PARN: variants seen among roughly 807,000 people sequenced by gnomAD.
The protein encoded by PARN is poly(A)-specific ribonuclease PARN.
A neutral mutation model predicts 102.8 loss-of-function variants in PARN; 71 were observed. The ratio of observed to expected loss-of-function variants is 0.69; its 90% confidence interval spans 0.57 to 0.84. PARN has a LOEUF of 0.84. Among genes scored for constraint, PARN ranks in the 40% least tolerant of loss-of-function variants. PARN has a pLI of 0.00. For synonymous variants in PARN, 261 were observed against 252.9 expected (o/e 1.03, Z -0.30); for missense variants, 782 against 760.9 (o/e 1.03, Z -0.33).
chr16:14,607,483 C>A (rs114303602), intron 9 of PARN, among the ~76,000 whole-genome samples: 6,187 of 152,260 alleles, frequency 0.041, 140 homozygotes, highest in African/African-American at 0.05. Context: ...ACCAGGATTA[C>A]AGGAGTGAGC....
intron 18 of PARN, among the ~76,000 whole-genome samples, chr16:14,568,686 G>A (rs1197597510): frequency 1.3e-5 from 2 of 151,734 alleles, no homozygotes; most frequent in African/African-American, 2.4e-5. Context: ...GAGGCGGGCG[G>A]AGATCAAGAC....
chr16:14,516,558 A>C (rs1270337147), intron 21 of PARN, among the ~76,000 whole-genome samples: 2 of 152,236 alleles, frequency 1.3e-5, no homozygotes, highest in Non-Finnish European at 2.9e-5. Context: ...AGCCAAAATA[A>C]AATGGAACAT....
intron 11 of PARN, among the ~76,000 whole-genome samples, chr16:14,600,575 C>T (rs151126344): frequency 1.2e-3 from 182 of 152,196 alleles, no homozygotes; most frequent in African/African-American, 4.2e-3. Flanking sequence ...TCCAGTTTAA[C>T]TCCCAGGTGT....
intron 20 of PARN, among the ~76,000 whole-genome samples, chr16:14,552,867 G>C (rs1967404421): frequency 6.6e-6 from 1 of 152,040 alleles, no homozygotes; most frequent in South Asian, 2.1e-4. Context: ...AGAATGGCTT[G>C]AACCTGGGAG....
chr16:14,487,418 T>G (rs1963773961), intron 21 of PARN, among the ~76,000 whole-genome samples: 1 of 152,236 alleles, frequency 6.6e-6, no homozygotes, highest in Non-Finnish European at 1.5e-5. Flanking sequence ...CTTTATTGTT[T>G]TTTAAAGAAC....
At position 14,610,878 on chromosome 16, in the gene PARN, CAA is replaced by C. The variant is rs772943751; in HGVS notation, c.389-71_389-70del. 123 of 1,034,924 alleles carry C rather than the reference CAA, an allele frequency of 1.2e-4. 1 individual carries two copies. Among genetic ancestry groups the C allele is most frequent in the Non-Finnish European group, 1.7e-4 (114 of 676,696 alleles). The allele number at this position is 1,034,924 out of a possible 1,614,324, so 64.1% of individuals were successfully genotyped here. A position where few individuals can be genotyped will look rare whatever the true frequency, so the allele number is the denominator to read the frequency against. On this transcript the variant is annotated intron_variant, in intron 6 of 23. Coordinates refer to ENST00000437198, the MANE Select transcript of PARN (RefSeq NM_002582.4). ...CTAACATAAAATTTGTTTAACAAAC[CAA>C]AGAGTCTAAATTACTCAGGAAAGAT... is the stretch of plus-strand genomic sequence containing the variant.
At chr16:14,525,165 GTTC>G (rs960901355) in intron 21 of PARN, among the ~76,000 whole-genome samples, 1 of 152,188 alleles carries the variant, frequency 6.6e-6, no homozygotes, top group Admixed American at 6.5e-5. Context: ...TCCGGATTAA[GTTC>G]TTAAGCTAGT....
intron 21 of PARN, among the ~76,000 whole-genome samples, chr16:14,543,406 T>G (rs1483854100): frequency 6.6e-6 from 1 of 152,098 alleles, no homozygotes; most frequent in Admixed American, 6.6e-5. Context: ...ATGGTAAATA[T>G]CTGACTAAAT....
At chr16:14,584,277 C>T (rs1344788958) in intron 16 of PARN, 70 bp downstream of exon 16, 3 of 1,151,132 alleles carry the variant, frequency 2.6e-6, no homozygotes, top group Non-Finnish European at 3.9e-6. Context: ...AGCCATTCTG[C>T]TTTTCTTCTA....
intron 14 of PARN, among the ~76,000 whole-genome samples, chr16:14,585,362 C>CTGTTTT: frequency 7.9e-6 from 1 of 126,760 alleles, no homozygotes; most frequent in East Asian, 2.3e-4. Context: ...CTCTATTTCT[C>CTGTTTT]TGTTTTTTTT....
intron 21 of PARN, among the ~76,000 whole-genome samples, chr16:14,495,309 C>T (rs866409058): frequency 6.6e-6 from 1 of 151,916 alleles, no homozygotes; most frequent in Non-Finnish European, 1.5e-5. Context: ...CAACACATAC[C>T]CCTCAATGTC....
chr16:14,543,686 TAAAAC>T lies in PARN; in HGVS notation c.1480+8330_1480+8334del, dbSNP rs533018564. Among the ~76,000 whole-genome samples the T allele has an allele frequency of 1.4e-3, 213 of 151,888 alleles. 1 individual carries two copies. The highest frequency in any genetic ancestry group is 4.6e-3 in the African/African-American group (191 of 41,438). On this transcript the variant is annotated intron_variant, in intron 21 of 23. Coordinates refer to ENST00000437198, the MANE Select transcript of PARN (RefSeq NM_002582.4). ...AACCACTAAAAATAATGCAAAAAGA[TAAAAC>T]AAAAAAGCCAGCAGAGAAATTAAAA...
At chr16:14,566,038 G>C (rs769429267) in intron 18 of PARN, among the ~76,000 whole-genome samples, 16 of 152,228 alleles carry the variant, frequency 1.1e-4, no homozygotes, top group Non-Finnish European at 2.1e-4. Context: ...CTCCAAGCCA[G>C]GACCAATGCA....
At chr16:14,462,994 G>A (rs1233172893) in intron 22 of PARN, among the ~76,000 whole-genome samples, 3 of 152,318 alleles carry the variant, frequency 2.0e-5, no homozygotes, top group South Asian at 2.1e-4. Context: ...GGAATTCCTC[G>A]ATGATTCAGC....
chr16:14,561,302 G>A (rs1186591890), intron 18 of PARN, among the ~76,000 whole-genome samples: 2 of 152,140 alleles, frequency 1.3e-5, no homozygotes, highest in East Asian at 1.9e-4. Flanking sequence ...GTGCTTCCCC[G>A]CCAACTGGAT....
intron 18 of PARN, 47 bp from the exon 19 acceptor site, chr16:14,555,756 G>GA: frequency 1.0e-6 from 1 of 971,922 alleles, no homozygotes; most frequent in East Asian, 2.9e-5. Context: ...TCCTTTAAAA[G>GA]ACAGGCATTT....
chr16:14,569,424 T>G (rs934027948), intron 18 of PARN, among the ~76,000 whole-genome samples: 6 of 152,094 alleles, frequency 3.9e-5, no homozygotes, highest in African/African-American at 1.4e-4. Flanking sequence ...GTTGAAAGAC[T>G]AGAAACCTAG....
chr16:14,436,560 A>G lies in PARN; in HGVS notation c.*157T>C. 1.6e-6 allele frequency: 1 copy of G among 618,030 alleles called. No individual in the cohort carries two copies. 38.3% of individuals were successfully genotyped at this position (618,030 alleles called of 1,614,324 possible). On this transcript the variant is annotated 3_prime_UTR_variant, in exon 24 of 24. Coordinates refer to ENST00000437198, the MANE Select transcript of PARN (RefSeq NM_002582.4). ...AAAAGGGGAAAAAACCACAGCCACA[A>G]AAATAAAACCTGTTTTCTCCCCCCC...
intron 5 of PARN, among the ~76,000 whole-genome samples, chr16:14,623,518 CAAAAAAAAAGAAAAGA>C (rs1454820938): frequency 2.2e-5 from 3 of 137,144 alleles, no homozygotes; most frequent in East Asian, 4.3e-4. Context: ...ATCTCAAAAA[CAAAAAAAAAGAAAAGA>C]AAAAAAAAAG....
Sources: gnomAD v4.1 joint callset for allele counts (sites outside exome capture counted in the v4.1 genomes callset) on GRCh38, gnomAD v4.1.1 for gene constraint, MANE v1.5 for transcripts, NCBI Gene and HGNC (gene_info 2026-07-23, HGNC 2026-07-21) for gene names.